Variants in VGLL4 observed in about 807,000 individuals in gnomAD.
VGLL4 encodes the protein vestigial like family member 4.
VGLL4 carries 7 observed loss-of-function variants against 21.0 expected under a neutral mutation model. The observed-to-expected ratio is 0.33, with a 90% confidence interval of 0.19 to 0.63. The LOEUF (loss-of-function observed/expected upper bound fraction) is 0.63, where lower values mean the gene tolerates loss of function less well. VGLL4 is among the 20% of genes least tolerant of loss of function. The pLI is 0.78. For synonymous variants in VGLL4, 222 were observed against 173.2 expected (o/e 1.28, Z -2.21); for missense variants, 394 against 425.7 (o/e 0.93, Z 0.66).
At chr3:11,665,043 AT>A (rs747239309) in intron 2 of VGLL4, among the ~76,000 whole-genome samples, 1 of 150,910 alleles carries the variant, frequency 6.6e-6, no homozygotes, top group East Asian at 1.9e-4. Context: ...ATTTTGATTA[AT>A]TCCAAAATAA....
intron 1 of VGLL4, chr3:11,611,533 G>A (rs1685709010): frequency 6.6e-6 from 1 of 152,226 alleles, no homozygotes; most frequent in Non-Finnish European, 1.5e-5. Context: ...GCAGCCCCAG[G>A]AAACTAATCC....
At chr3:11,631,536 A>G (rs1370722737) in intron 1 of VGLL4, among the ~76,000 whole-genome samples, 3 of 152,164 alleles carry the variant, frequency 2.0e-5, no homozygotes, top group Non-Finnish European at 4.4e-5. Context: ...TTAAGGATCT[A>G]TACATGACAG....
chr3:11,704,246 G>A (rs1225821015), intron 1 of VGLL4, among the ~76,000 whole-genome samples: 2 of 151,804 alleles, frequency 1.3e-5, no homozygotes, highest in Non-Finnish European at 2.9e-5. Flanking sequence ...AGCCGGGTAT[G>A]GTGGCCCATG....
At chr3:11,620,490 C>G (rs1031701871) in intron 1 of VGLL4, among the ~76,000 whole-genome samples, 4 of 152,084 alleles carry the variant, frequency 2.6e-5, no homozygotes, top group Non-Finnish European at 1.5e-5. Flanking sequence ...GCGTTAGCAC[C>G]CCAGGGCCGC....
At position 11,711,789 on chromosome 3, in the gene VGLL4, T is replaced by C. The variant is rs142660466; in HGVS notation, c.-14+8605A>G. Reference sequence around the variant, plus strand: ...CTATTAAAACACTGTATTTAGACGTTACAAAAAAGGAAAAGTAAACTCCCT... The same window carrying C: ...CTATTAAAACACTGTATTTAGACGTCACAAAAAAGGAAAAGTAAACTCCCT... On this transcript the variant is annotated intron_variant, in intron 1 of 5. Transcript: ENST00000273038. Among the ~76,000 whole-genome samples the C allele has an allele frequency of 2.0e-5, 3 of 152,120 alleles. No homozygotes were observed. The East Asian group carries it at 5.8e-4, about 30-fold the overall frequency.
chr3:11,602,762 T>C (rs756925288), intron 1 of VGLL4, among the ~76,000 whole-genome samples: 1 of 152,248 alleles, frequency 6.6e-6, no homozygotes, highest in Non-Finnish European at 1.5e-5. Flanking sequence ...TTTTTCATTA[T>C]TATTTTAAAA....
rs1400178099 is a variant in VGLL4 at position 11,565,517 on chromosome 3, T to C, written c.273-498A>G. On this transcript the variant is annotated intron_variant, in intron 2 of 4. Coordinates refer to ENST00000430365, the MANE Select transcript of VGLL4 (RefSeq NM_001128219.3). The surrounding 1 kb of genome is among the most constrained non-coding windows in gnomAD (Gnocchi z 4.1). ...CTTCCTAACAGCACTAAGCAGGCAA[T>C]GCTGCCACCATCCCCTTTCCAGACC... Among the ~76,000 whole-genome samples, 3 of 152,174 alleles carry C rather than the reference T, an allele frequency of 2.0e-5. No individual in the cohort carries two copies. The highest frequency in any genetic ancestry group is 4.4e-5 in the Non-Finnish European group (3 of 68,026).
intron 2 of VGLL4, among the ~76,000 whole-genome samples, chr3:11,599,352 G>A (rs73025155): frequency 0.12 from 18,099 of 150,732 alleles, 1,335 homozygotes; most frequent in East Asian, 0.25. Context: ...GTCTGAGAGA[G>A]GAGGTTACTC....
At chr3:11,680,402 A>G (rs1190927321) in intron 2 of VGLL4, among the ~76,000 whole-genome samples, 1 of 152,198 alleles carries the variant, frequency 6.6e-6, no homozygotes, top group Non-Finnish European at 1.5e-5. Flanking sequence ...AATTATATTC[A>G]ATTTAAAATT....
At chr3:11,564,335 A>G (rs2073322863) in intron 3 of VGLL4, among the ~76,000 whole-genome samples, 2 of 152,032 alleles carry the variant, frequency 1.3e-5, no homozygotes. Context: ...ACTGTGCAGG[A>G]CCCCAGCCCA....
At chr3:11,618,407 TTGGAGAGTTAC>T (rs1208142064) in intron 1 of VGLL4, among the ~76,000 whole-genome samples, 1 of 152,174 alleles carries the variant, frequency 6.6e-6, no homozygotes, top group Non-Finnish European at 1.5e-5. Context: ...AAAATATTTA[TTGGAGAGTTAC>T]TGGAGAGTCA....
chr3:11,597,437 G>C (rs9811985), intron 2 of VGLL4, among the ~76,000 whole-genome samples: 141,908 of 152,054 alleles, frequency 0.93, 66,347 homozygotes, highest in African/African-American at 0.95. Context: ...ACCCAACAGT[G>C]TCATGGATAG....
chr3:11,675,239 G>T (rs2076273087), intron 2 of VGLL4, among the ~76,000 whole-genome samples: 1 of 152,136 alleles, frequency 6.6e-6, no homozygotes, highest in African/African-American at 2.4e-5. Flanking sequence ...CTACTCAGGA[G>T]GCTGAGGCAT....
intron 2 of VGLL4, among the ~76,000 whole-genome samples, chr3:11,600,785 A>C (rs6799718): frequency 0.93 from 141,077 of 152,118 alleles, 65,538 homozygotes; most frequent in Non-Finnish European, 0.95. Context: ...TGTGGGGAAA[A>C]AGCAGTGCCC....
chr3:11,682,455 G>A (rs907213939), intron 2 of VGLL4, among the ~76,000 whole-genome samples: 7 of 148,050 alleles, frequency 4.7e-5, no homozygotes, highest in African/African-American at 1.0e-4. Flanking sequence ...GTGGGCACCT[G>A]TAATCCCAGC....
At chr3:11,708,926 G>T (rs1032138792) in intron 1 of VGLL4, among the ~76,000 whole-genome samples, 2 of 152,096 alleles carry the variant, frequency 1.3e-5, no homozygotes, top group Non-Finnish European at 2.9e-5. Flanking sequence ...GCCAGGCATG[G>T]TGGTGATGGC....
intron 2 of VGLL4, among the ~76,000 whole-genome samples, chr3:11,664,620 G>A (rs970502581): frequency 6.6e-6 from 1 of 152,300 alleles, no homozygotes; most frequent in East Asian, 1.9e-4. Flanking sequence ...GCTGAATAAC[G>A]TGGGACTGTG....
intron 2 of VGLL4, among the ~76,000 whole-genome samples, chr3:11,572,133 G>A (rs937918141): frequency 6.6e-6 from 1 of 152,132 alleles, no homozygotes. Flanking sequence ...GAATCTCTGA[G>A]TAAGTGATTG....
At chr3:11,682,271 G>A (rs888013862) in intron 2 of VGLL4, among the ~76,000 whole-genome samples, 1 of 152,054 alleles carries the variant, frequency 6.6e-6, no homozygotes, top group East Asian at 1.9e-4. Flanking sequence ...TGGGCGTGGT[G>A]GTGGGCACCT....
Sources: gnomAD v4.1 joint callset for allele counts (sites outside exome capture counted in the v4.1 genomes callset) on GRCh38, gnomAD v4.1.1 for gene constraint, Gnocchi (gnomAD v3.1) non-coding constraint, MANE v1.5 for transcripts, NCBI Gene and HGNC (gene_info 2026-07-23, HGNC 2026-07-21) for gene names.